Variants in MEIG1 observed in about 807,000 individuals in gnomAD.
The protein encoded by MEIG1 is meiosis expressed gene 1 protein homolog.
In MEIG1, 12 loss-of-function variants were observed where a neutral mutation model predicts 11.3. The observed-to-expected ratio is 1.07, with a 90% CI of 0.68 to 1.73. MEIG1 has a LOEUF of 1.73. Among genes scored for constraint, MEIG1 ranks in the 40% most tolerant of loss-of-function variants. The pLI is 0.00. For synonymous variants in MEIG1, 41 were observed against 33.2 expected, an observed-to-expected ratio of 1.24 and a Z score of -0.81; for missense variants, 119 against 104.9, an observed-to-expected ratio of 1.13 and a Z score of -0.59.
exon 2 of MEIG1, chr10:14,986,831 G>A (rs773973731): frequency 2.7e-6 from 1 of 367,770 alleles, no homozygotes. Context: ...AGCGGGTCTC[G>A]AACTCCTGGA....
chr10:14,965,987 A>G (rs2131266792), intron 1 of MEIG1, among the ~76,000 whole-genome samples: 1 of 151,970 alleles, frequency 6.6e-6, no homozygotes, highest in South Asian at 2.1e-4. Flanking sequence ...TCAATCTTGG[A>G]ATTGTATGTT....
intron 1 of MEIG1, among the ~76,000 whole-genome samples, chr10:14,982,535 G>A (rs12217729): frequency 6.6e-6 from 1 of 151,930 alleles, no homozygotes; most frequent in Non-Finnish European, 1.5e-5. Context: ...CTTCTGGGAC[G>A]GGGTATTGTT....
chr10:14,969,049 G>A (rs940175499), intron 2 of MEIG1, among the ~76,000 whole-genome samples: 2 of 152,156 alleles, frequency 1.3e-5, no homozygotes, highest in African/African-American at 4.8e-5. Context: ...TTGCACTCCA[G>A]CCTGGGCAAC....
downstream of MEIG1, among the ~76,000 whole-genome samples, chr10:14,976,102 G>T (rs567071316): frequency 4.6e-5 from 7 of 152,204 alleles, no homozygotes; most frequent in East Asian, 7.7e-4. Context: ...GCCCCCTTGC[G>T]ACGGGAATCG....
downstream of MEIG1, among the ~76,000 whole-genome samples, chr10:14,974,952 G>T (rs11259414): frequency 0.05 from 7,577 of 152,134 alleles, 243 homozygotes; most frequent in East Asian, 0.12. Flanking sequence ...ACCTCAGTGG[G>T]TGTACACCCA....
At chr10:14,956,594 A>G (rs369833127), upstream of MEIG1, among the ~76,000 whole-genome samples, 1 of 152,152 alleles carries the variant, frequency 6.6e-6, no homozygotes. Context: ...AAAGCAAAAC[A>G]AAACAAAAAA....
rs375637345 is a variant in MEIG1, at chr10:14,966,525, AGAGAT to A, written c.58_62del (p.Glu20ArgfsTer14). ...TAAGTCATGCCAAAAAATGGTCAGA[AGAGAT>A]AGAAAATCTGTACAGATTTCAACAA... On this transcript the variant is annotated frameshift_variant, in exon 2 of 3. Transcript: ENST00000407572. LOFTEE classifies it high-confidence loss of function. The A allele has an allele frequency of 1.9e-6, 3 of 1,612,974 alleles. No homozygotes were observed. The highest frequency in any genetic ancestry group is 2.7e-5 in the African/African-American group (2 of 74,866).
chr10:14,978,755 C>T (rs1388326012), intron 1 of MEIG1, among the ~76,000 whole-genome samples: 1 of 151,808 alleles, frequency 6.6e-6, no homozygotes, highest in South Asian at 2.1e-4. Context: ...GGCTGTATAC[C>T]CTGTGATATT....
At chr10:14,972,896 C>G (rs996375563), downstream of MEIG1, 3 of 296,358 alleles carry the variant, frequency 1.0e-5, no homozygotes, top group African/African-American at 6.8e-5. Flanking sequence ...GACAGAGTCT[C>G]GCTCTGTCGC....
chr10:14,982,658 G>A (rs1030743219), intron 1 of MEIG1, among the ~76,000 whole-genome samples: 3 of 152,078 alleles, frequency 2.0e-5, no homozygotes, highest in Admixed American at 6.6e-5. Flanking sequence ...AGGGGCATTT[G>A]GATCCCCGTT....
upstream of MEIG1, among the ~76,000 whole-genome samples, chr10:14,957,075 A>G (rs890355687): frequency 6.6e-6 from 1 of 152,244 alleles, no homozygotes; most frequent in Non-Finnish European, 1.5e-5. Flanking sequence ...CTAAAAAAGC[A>G]GACAAAAATC....
rs940880430 is a variant in MEIG1 at position 14,972,614 on chromosome 10, C to A, written c.240C>A (p.Val80=). ...NKQRECDDKE[V]HKVKIYAY ...AGAGGGAATGTGATGACAAAGAAGT[C>A]CACAAAGTGAAAATTTATGCTTACT... The change falls in exon 3 of 3, where the codon GTC becomes GTA. Residue 80 remains valine, a synonymous_variant. Transcript: ENST00000407572. 1.2e-6 allele frequency: 2 copies of A among 1,611,518 alleles called. No individual in the cohort carries two copies. The highest frequency in any genetic ancestry group is 1.7e-6 in the Non-Finnish European group (2 of 1,178,958).
chr10:14,967,203 CCTCA>C (rs1843095900), intron 2 of MEIG1, among the ~76,000 whole-genome samples: 1 of 151,616 alleles, frequency 6.6e-6, no homozygotes, highest in East Asian at 1.9e-4. Context: ...AAGCTTTTTT[CCTCA>C]CTCAGGTGAT....
chr10:14,962,915 C>T (rs1255097647), intron 1 of MEIG1, among the ~76,000 whole-genome samples: 2 of 151,844 alleles, frequency 1.3e-5, no homozygotes, highest in Non-Finnish European at 2.9e-5. Context: ...AGGCATGCGC[C>T]ACCATGCCTG....
chr10:14,956,162 G>A (rs1449897960), upstream of MEIG1, among the ~76,000 whole-genome samples: 1 of 152,224 alleles, frequency 6.6e-6, no homozygotes, highest in Non-Finnish European at 1.5e-5. Flanking sequence ...GGTAAGCATA[G>A]CCCAGACCAA....
upstream of MEIG1, among the ~76,000 whole-genome samples, chr10:14,957,705 C>T (rs191100877): frequency 1.2e-3 from 176 of 152,170 alleles, 3 homozygotes; most frequent in African/African-American, 4.1e-3. Flanking sequence ...GCAATCTCGG[C>T]TCACTGCCAC....
At chr10:14,957,703 G>A (rs1245136687), upstream of MEIG1, among the ~76,000 whole-genome samples, 2 of 151,926 alleles carry the variant, frequency 1.3e-5, no homozygotes, top group African/African-American at 4.8e-5. Flanking sequence ...ACGCAATCTC[G>A]GCTCACTGCC....
chr10:14,972,512 G>T lies in MEIG1; in HGVS notation c.139-1G>T. 1 of 1,614,002 alleles carries T rather than the reference G, an allele frequency of 6.2e-7. No homozygotes were observed. On this transcript the variant is annotated splice_acceptor_variant, in intron 2 of 2. Coordinates refer to ENST00000407572, the MANE Select transcript of MEIG1 (RefSeq NM_001080836.3). LOFTEE classifies it high-confidence loss of function. ...TTTGTACTCTGGTTCTTGATGTGCA[G>T]GTAGATCGTTGGCCGGAGACAGGAT... is the stretch of plus-strand genomic sequence containing the variant.
chr10:14,954,664 C>A (rs1439967631), upstream of MEIG1, among the ~76,000 whole-genome samples: 2 of 152,050 alleles, frequency 1.3e-5, no homozygotes, highest in African/African-American at 4.8e-5. Context: ...ATAATGCCTT[C>A]GCTGCTGGCC....
Sources: allele counts gnomAD v4.1 joint callset (sites outside exome capture counted in the v4.1 genomes callset), GRCh38; gene constraint gnomAD v4.1.1; transcripts MANE v1.5; gene names NCBI Gene and HGNC (gene_info 2026-07-23, HGNC 2026-07-21).